PLA2G4A: variants seen among roughly 807,000 people sequenced by gnomAD.
PLA2G4A encodes cytosolic phospholipase A2.
Under a neutral mutation model 81.9 loss-of-function variants are expected in PLA2G4A, and 40 were observed. The ratio of observed to expected loss-of-function variants is 0.49; its 90% CI spans 0.38 to 0.64. The LOEUF is 0.64. Ranked by LOEUF, PLA2G4A falls within the 30% of genes least tolerant of loss-of-function variation. The pLI is 0.00. For missense variants in PLA2G4A, 715 were observed against 905.1 expected (o/e 0.79, Z 2.69); for synonymous variants, 302 against 296.9 (o/e 1.02, Z -0.18).
At chr1:186,947,537 C>T (rs1656388956) in intron 12 of PLA2G4A, among the ~76,000 whole-genome samples, 1 of 152,138 alleles carries the variant, frequency 6.6e-6, no homozygotes, top group African/African-American at 2.4e-5. Flanking sequence ...ACAATCTCAA[C>T]TGGGGACCAG....
chr1:186,829,138 A>C (rs896111866), intron 1 of PLA2G4A, 103 bp downstream of exon 1: 1 of 152,246 alleles, frequency 6.6e-6, no homozygotes, highest in Non-Finnish European at 1.5e-5. Flanking sequence ...GAAGGAAGAA[A>C]GGACGGAGGG....
intron 2 of PLA2G4A, among the ~76,000 whole-genome samples, chr1:186,855,476 A>G (rs1419057535): frequency 3.3e-5 from 5 of 152,016 alleles, no homozygotes; most frequent in South Asian, 2.1e-4. Flanking sequence ...GGATTTTTAC[A>G]TATGTATTCC....
chr1:186,883,860 G>T lies in PLA2G4A; in HGVS notation c.116-9151G>T, dbSNP rs547237883. Among the ~76,000 whole-genome samples, 4 of 152,248 alleles carry T rather than the reference G, an allele frequency of 2.6e-5. No individual in the cohort carries two copies. The South Asian group carries it at 8.3e-4, about 32-fold the overall frequency. ...AACAGAAGAAGGCAGAGGACAGTAG[G>T]TTGGAAACTTATGGAATAATGAGAT... On this transcript the variant is annotated intron_variant, in intron 3 of 17. Transcript: ENST00000367466.
intron 12 of PLA2G4A, among the ~76,000 whole-genome samples, chr1:186,948,938 T>C (rs1656436706): frequency 6.6e-6 from 1 of 152,162 alleles, no homozygotes; most frequent in African/African-American, 2.4e-5. Context: ...CTCTATCCTT[T>C]GGCTGACTGA....
intron 3 of PLA2G4A, among the ~76,000 whole-genome samples, chr1:186,873,539 T>C (rs1322618314): frequency 6.6e-6 from 1 of 152,102 alleles, no homozygotes; most frequent in African/African-American, 2.4e-5. Flanking sequence ...CTTGTGTGTC[T>C]GAGTGCTTTC....
chr1:186,956,251 T>A lies in PLA2G4A; in HGVS notation c.1486T>A (p.Leu496Met), dbSNP rs1402428954. ...AGKVHNFMLG[L>M]NLNTSYPLSP... ...GAAGGTACACAACTTCATGCTGGGC[T>A]TGAATCTCAATACATCTTATCCACT... is the stretch of plus-strand genomic sequence containing the variant. The change falls in exon 14 of 18, where the codon TTG becomes ATG. Residue 496 changes from leucine to methionine, a missense_variant. By Grantham distance (15) the Leu-to-Met change is conservative. Coordinates refer to ENST00000367466, the MANE Select transcript of PLA2G4A (RefSeq NM_024420.3). The A allele has an allele frequency of 6.2e-7, 1 of 1,613,820 alleles. No homozygotes were observed.
At chr1:186,844,740 A>G (rs1384043390) in intron 1 of PLA2G4A, among the ~76,000 whole-genome samples, 1 of 152,244 alleles carries the variant, frequency 6.6e-6, no homozygotes, top group Non-Finnish European at 1.5e-5. Context: ...TACATATTTA[A>G]CAAATCTGCA....
At chr1:186,860,069 T>C (rs1357452319) in intron 2 of PLA2G4A, among the ~76,000 whole-genome samples, 1 of 152,134 alleles carries the variant, frequency 6.6e-6, no homozygotes, top group Non-Finnish European at 1.5e-5. Context: ...AGAATTTCTT[T>C]GAGCACTAAA....
chr1:186,982,357 T>G (rs1657749887), intron 17 of PLA2G4A, among the ~76,000 whole-genome samples: 2 of 152,212 alleles, frequency 1.3e-5, no homozygotes, highest in African/African-American at 2.4e-5. Flanking sequence ...AGCCTCCACT[T>G]CCTCGTCTCT....
In PLA2G4A at chr1:186,921,671, G is replaced by A. The variant is rs766169215; in HGVS notation, c.558+10282G>A. Among the ~76,000 whole-genome samples, 60 of 152,052 alleles carry A rather than the reference G, an allele frequency of 3.9e-4. 2 individuals are homozygous for A. Among genetic ancestry groups the A allele is most frequent in the Non-Finnish European group, 8.8e-5 (6 of 68,014 alleles). ...GTAGGTGCTGTGGCCTCAGGAGTGG[G>A]GAGCCCTTCCTTTTGATAAGGAGGG... On this transcript the variant is annotated intron_variant, in intron 7 of 17. Coordinates refer to ENST00000367466, the MANE Select transcript of PLA2G4A (RefSeq NM_024420.3).
At chr1:186,918,076 A>T (rs949036850) in intron 7 of PLA2G4A, among the ~76,000 whole-genome samples, 1 of 151,910 alleles carries the variant, frequency 6.6e-6, no homozygotes, top group African/African-American at 2.4e-5. Flanking sequence ...TCCTTTTATT[A>T]CTTGCCCCCT....
intron 7 of PLA2G4A, among the ~76,000 whole-genome samples, chr1:186,925,258 T>C (rs1310607125): frequency 2.6e-5 from 4 of 152,212 alleles, no homozygotes; most frequent in African/African-American, 7.2e-5. Flanking sequence ...GTTTTGTCTC[T>C]TTCTGTGCCT....
intron 17 of PLA2G4A, among the ~76,000 whole-genome samples, chr1:186,984,271 G>A (rs1657820486): frequency 6.6e-6 from 1 of 152,112 alleles, no homozygotes; most frequent in Non-Finnish European, 1.5e-5. Context: ...TAGTATGGCT[G>A]CATACTCTAT....
rs143939938 is a variant in PLA2G4A, at chr1:186,866,559, T to A, written c.34-3876T>A. Among the ~76,000 whole-genome samples the A allele has an allele frequency of 3.5e-3, 530 of 152,214 alleles. 2 individuals carry two copies. Among genetic ancestry groups the A allele is most frequent in the African/African-American group, 0.012 (513 of 41,536 alleles). On this transcript the variant is annotated intron_variant, in intron 2 of 17. Coordinates refer to ENST00000367466, the MANE Select transcript of PLA2G4A (RefSeq NM_024420.3). The stretch of plus-strand genomic sequence containing the variant: ...TGACATATGGTTCACATTCAATGAG[T>A]CCTTATAATAAAAACAATCTTTTTG...
chr1:186,898,671 A>C (rs1654433238), intron 5 of PLA2G4A, among the ~76,000 whole-genome samples: 1 of 152,230 alleles, frequency 6.6e-6, no homozygotes, highest in African/African-American at 2.4e-5. Context: ...TGTTTGACAT[A>C]GAAAAAGTTG....
chr1:186,955,781 T>C (rs1289981322), intron 13 of PLA2G4A, among the ~76,000 whole-genome samples: 1 of 137,810 alleles, frequency 7.3e-6, no homozygotes, highest in Non-Finnish European at 1.5e-5. Context: ...GTCGTCAGGC[T>C]GGAGTGCAGT....
In PLA2G4A at chr1:186,953,090, A is replaced by C. The variant is rs1454126025; in HGVS notation, c.1336+2362A>C. 4.6e-5 allele frequency among the ~76,000 whole-genome samples: 7 copies of C among 152,208 alleles called. No homozygotes were observed. The East Asian group carries it at 1.3e-3, about 29-fold the overall frequency. The stretch of plus-strand genomic sequence containing the variant: ...TATTTGGGTAAATACCATGGAGCAC[A>C]ATTGCTGGATCATATGGTAAGAGTA... On this transcript the variant is annotated intron_variant, in intron 13 of 17. Coordinates refer to ENST00000367466, the MANE Select transcript of PLA2G4A (RefSeq NM_024420.3).
chr1:186,974,469 T>C (rs550867217), intron 15 of PLA2G4A, among the ~76,000 whole-genome samples: 82 of 152,274 alleles, frequency 5.4e-4, no homozygotes, highest in African/African-American at 1.8e-3. Flanking sequence ...CACTCCAGCC[T>C]GGGCAGCAGA....
chr1:186,868,020 A>G (rs997139473), intron 2 of PLA2G4A, among the ~76,000 whole-genome samples: 1 of 151,102 alleles, frequency 6.6e-6, no homozygotes, highest in Non-Finnish European at 1.5e-5. Flanking sequence ...TTGAATGCTG[A>G]ACCAGCCTTG....
Sources: gnomAD v4.1 joint callset for allele counts (sites outside exome capture counted in the v4.1 genomes callset) on GRCh38, gnomAD v4.1.1 for gene constraint, MANE v1.5 for transcripts, NCBI Gene and HGNC (gene_info 2026-07-23, HGNC 2026-07-21) for gene names.